Variants in THRAP3 observed in about 807,000 individuals in gnomAD.
THRAP3 encodes the protein thyroid hormone receptor-associated protein 3.
THRAP3 carries 16 observed loss-of-function variants against 101.0 expected under a neutral mutation model. The ratio of observed to expected loss-of-function variants is 0.16; its 90% CI spans 0.11 to 0.24. THRAP3 has a LOEUF of 0.24. Among genes scored for constraint, THRAP3 ranks in the 10% least tolerant of loss-of-function variants. The pLI, the probability that THRAP3 is intolerant of heterozygous loss-of-function variation, is 1.00. For synonymous variants in THRAP3, 407 were observed against 422.6 expected (o/e 0.96, Z 0.45); for missense variants, 989 against 1,202.7 (o/e 0.82, Z 2.63).
At chr1:36,219,342 A>G in the THRAP3 span, among the ~76,000 whole-genome samples, 1 of 152,256 alleles carries the variant, frequency 6.6e-6, no homozygotes, top group Non-Finnish European at 1.5e-5. Flanking sequence ...GCAAGTGCTG[A>G]TGTAGAAACT....
chr1:36,269,268 C>G (rs1331027003), intron 2 of THRAP3, among the ~76,000 whole-genome samples: 2 of 152,086 alleles, frequency 1.3e-5, no homozygotes, highest in Non-Finnish European at 2.9e-5. Context: ...ACAGTTGAAG[C>G]GAGCTCACTT....
chr1:36,274,057 GAC>G (rs1645623397), intron 2 of THRAP3, among the ~76,000 whole-genome samples: 3 of 89,422 alleles, frequency 3.4e-5, no homozygotes, highest in South Asian at 4.5e-4. Context: ...AAAAAAAAAA[GAC>G]TGTGTGTGTG....
intron 1 of THRAP3, among the ~76,000 whole-genome samples, chr1:36,257,641 C>T (rs772396364): frequency 6.6e-6 from 1 of 152,120 alleles, no homozygotes; most frequent in Non-Finnish European, 1.5e-5. Context: ...AACTAAAGGC[C>T]AGAGCCTCAG....
chr1:36,269,208 A>G (rs923620585), intron 2 of THRAP3, among the ~76,000 whole-genome samples: 2 of 151,976 alleles, frequency 1.3e-5, no homozygotes, highest in Admixed American at 6.6e-5. Context: ...GTTGGTGGTG[A>G]TGGTGAAATT....
intron 2 of THRAP3, among the ~76,000 whole-genome samples, chr1:36,263,860 T>C (rs1645478505): frequency 6.6e-6 from 1 of 152,236 alleles, no homozygotes; most frequent in South Asian, 2.1e-4. Flanking sequence ...TTTTCCCTGC[T>C]AACATCCAGC....
intron 1 of THRAP3, among the ~76,000 whole-genome samples, chr1:36,250,240 G>C (rs1255916794): frequency 1.4e-5 from 2 of 139,748 alleles, no homozygotes; most frequent in Non-Finnish European, 3.1e-5. Context: ...TTGAGACAAA[G>C]ATTTGCTCTG....
chr1:36,213,113 T>C, the THRAP3 span, among the ~76,000 whole-genome samples: 2 of 152,114 alleles, frequency 1.3e-5, no homozygotes, highest in Non-Finnish European at 2.9e-5. Flanking sequence ...CTGATGGCAA[T>C]GGAGGGCCTT....
chr1:36,294,205 G>C, intron 8 of THRAP3: 1 of 1,214,808 alleles, frequency 8.2e-7, no homozygotes, highest in South Asian at 2.9e-5. Context: ...AAGTGCCCAT[G>C]ATGAGAGAAG....
intron 2 of THRAP3, among the ~76,000 whole-genome samples, chr1:36,270,399 ACACACG>A (rs1645573532): frequency 6.6e-6 from 1 of 151,818 alleles, no homozygotes; most frequent in African/African-American, 2.4e-5. Context: ...TGACACACAC[ACACACG>A]CACACAGGCA....
At chr1:36,229,061 T>TCC (rs1644994689) in intron 1 of THRAP3, among the ~76,000 whole-genome samples, 1 of 152,166 alleles carries the variant, frequency 6.6e-6, no homozygotes, top group Non-Finnish European at 1.5e-5. Flanking sequence ...GGGTACCCTT[T>TCC]CTAAAAGATT....
intron 1 of THRAP3, among the ~76,000 whole-genome samples, chr1:36,250,214 C>CTT (rs55959529): frequency 1.6e-4 from 23 of 140,564 alleles, no homozygotes; most frequent in African/African-American, 4.4e-4. Flanking sequence ...ATTAGGCATA[C>CTT]TTTTTTTTTT....
chr1:36,275,862 T>TA (rs2124557577), intron 2 of THRAP3, among the ~76,000 whole-genome samples: 1 of 151,464 alleles, frequency 6.6e-6, no homozygotes, highest in South Asian at 2.1e-4. Context: ...CTCTACAAAA[T>TA]ACAAATATTA....
chr1:36,262,423 ATAAATC>A (rs2124499896), intron 2 of THRAP3, among the ~76,000 whole-genome samples: 1 of 152,368 alleles, frequency 6.6e-6, no homozygotes, highest in East Asian at 1.9e-4. Context: ...ATAAAACAAA[ATAAATC>A]TAACACACAC....
intron 2 of THRAP3, among the ~76,000 whole-genome samples, chr1:36,268,511 T>A (rs1645543035): frequency 2.0e-5 from 3 of 152,152 alleles, no homozygotes; most frequent in Admixed American, 1.3e-4. Context: ...AACTGTTTTG[T>A]TTTTAAGGAT....
intron 8 of THRAP3, among the ~76,000 whole-genome samples, chr1:36,295,577 C>CTT (rs397726722): frequency 2.2e-4 from 32 of 143,624 alleles, no homozygotes; most frequent in African/African-American, 4.6e-4. Flanking sequence ...TCCTTCCTTC[C>CTT]CTCCTCCCTT....
chr1:36,244,722 G>C (rs931099819), intron 1 of THRAP3, among the ~76,000 whole-genome samples: 1 of 142,144 alleles, frequency 7.0e-6, no homozygotes, highest in African/African-American at 2.6e-5. Flanking sequence ...TTACTTGTGG[G>C]TTTTTTTTTT....
At chr1:36,258,493 T>C (rs934101394) in intron 1 of THRAP3, among the ~76,000 whole-genome samples, 1 of 152,152 alleles carries the variant, frequency 6.6e-6, no homozygotes, top group African/African-American at 2.4e-5. Flanking sequence ...TTTTTTTTCT[T>C]GAGGCGAAGT....
the THRAP3 span, among the ~76,000 whole-genome samples, chr1:36,214,139 G>A: frequency 6.6e-6 from 1 of 152,228 alleles, no homozygotes; most frequent in Admixed American, 6.5e-5. Flanking sequence ...TCAATTCCGT[G>A]CTTAGCCAAC....
In THRAP3 at chr1:36,250,702, G is replaced by A. The variant is rs566368401; in HGVS notation, c.-134-8680G>A. ...TGAAGCGGGCGGATCACTTGAGGGCGGGAGTTCGAGACCAGCCTGGCCAAC... is the reference window on the plus strand; with the variant it reads ...TGAAGCGGGCGGATCACTTGAGGGCAGGAGTTCGAGACCAGCCTGGCCAAC... On this transcript the variant is annotated intron_variant, in intron 1 of 11. Coordinates refer to ENST00000354618, the MANE Select transcript of THRAP3 (RefSeq NM_005119.4). Among the ~76,000 whole-genome samples the A allele has an allele frequency of 4.0e-5, 6 of 151,240 alleles. No individual in the cohort carries two copies. In the South Asian group the frequency reaches 1.3e-3, roughly 32 times the overall value.
Sources: allele counts gnomAD v4.1 joint callset (sites outside exome capture counted in the v4.1 genomes callset), GRCh38; gene constraint gnomAD v4.1.1; transcripts MANE v1.5; gene names NCBI Gene and HGNC (gene_info 2026-07-23, HGNC 2026-07-21).